The following USP49 variants were observed in gnomAD, a reference collection of about 807,000 sequenced individuals.
USP49 encodes the protein ubiquitin specific peptidase 49.
USP49 carries 24 observed loss-of-function variants against 58.6 expected under a neutral mutation model. That is an observed-to-expected ratio of 0.41 (90% CI 0.30 to 0.58). The LOEUF (loss-of-function observed/expected upper bound fraction) is 0.58, where lower values mean the gene tolerates loss of function less well. Ranked by LOEUF, USP49 falls within the 20% of genes least tolerant of loss-of-function variation. USP49 has a pLI of 0.30. For synonymous variants in USP49, 408 were observed against 365.1 expected, an observed-to-expected ratio of 1.12 and a Z score of -1.34; for missense variants, 703 against 866.1, an observed-to-expected ratio of 0.81 and a Z score of 2.36.
intron 3 of USP49, among the ~76,000 whole-genome samples, chr6:41,860,830 A>G (rs1051766993): frequency 3.9e-5 from 6 of 151,904 alleles, no homozygotes; most frequent in Non-Finnish European, 8.8e-5. Flanking sequence ...ATTATTTTTT[A>G]AAGAACTCAT....
chr6:41,804,212 G>A (rs1237564124), intron 4 of USP49, among the ~76,000 whole-genome samples: 1 of 152,142 alleles, frequency 6.6e-6, no homozygotes, highest in African/African-American at 2.4e-5. Flanking sequence ...GATGCTAGCT[G>A]GAATTTAAAA....
intron 3 of USP49, among the ~76,000 whole-genome samples, chr6:41,823,956 T>C (rs982395028): frequency 2.0e-5 from 3 of 152,048 alleles, no homozygotes; most frequent in Admixed American, 6.6e-5. Context: ...AAAGGTGCAC[T>C]ATAAGCCTCA....
chr6:41,825,781 A>G (rs1773528208), intron 3 of USP49, among the ~76,000 whole-genome samples: 1 of 152,202 alleles, frequency 6.6e-6, no homozygotes, highest in South Asian at 2.1e-4. Context: ...AAGACAGCCT[A>G]CCATTGAATG....
intron 3 of USP49, among the ~76,000 whole-genome samples, chr6:41,810,913 C>T (rs1773247357): frequency 6.6e-6 from 1 of 152,078 alleles, no homozygotes; most frequent in Non-Finnish European, 1.5e-5. Flanking sequence ...CTCTACTTTT[C>T]ATTTCTGTGA....
At chr6:41,840,745 A>T (rs949200706) in intron 3 of USP49, among the ~76,000 whole-genome samples, 22 of 152,282 alleles carry the variant, frequency 1.4e-4, no homozygotes, top group African/African-American at 5.3e-4. Flanking sequence ...GTCTTAGCCC[A>T]ACCTCCTATT....
intron 4 of USP49, among the ~76,000 whole-genome samples, chr6:41,805,093 C>T (rs1402951487): frequency 6.6e-6 from 1 of 152,158 alleles, no homozygotes; most frequent in Non-Finnish European, 1.5e-5. Context: ...TGCATATTCT[C>T]GCAAGGCCCT....
chr6:41,852,056 C>T (rs1774040653), intron 3 of USP49, among the ~76,000 whole-genome samples: 2 of 151,468 alleles, frequency 1.3e-5, no homozygotes, highest in African/African-American at 4.9e-5. Flanking sequence ...CACGGTGGCT[C>T]ACACCTGTGC....
At chr6:41,877,554 T>C (rs1418353045) in intron 2 of USP49, among the ~76,000 whole-genome samples, 3 of 144,452 alleles carry the variant, frequency 2.1e-5, no homozygotes, top group Non-Finnish European at 4.5e-5. Context: ...GAATCACTCA[T>C]ATGGGATCCC....
chr6:41,846,108 G>A (rs1773917217), intron 3 of USP49, among the ~76,000 whole-genome samples: 1 of 152,158 alleles, frequency 6.6e-6, no homozygotes, highest in Non-Finnish European at 1.5e-5. Flanking sequence ...TTGAGGTCAG[G>A]AGGTCGAGAG....
chr6:41,824,553 A>G (rs1773506080), intron 3 of USP49, among the ~76,000 whole-genome samples: 1 of 152,150 alleles, frequency 6.6e-6, no homozygotes. Flanking sequence ...TCTATTAAAA[A>G]ATACAAAATT....
At chr6:41,810,981 T>C (rs1773248712) in intron 3 of USP49, among the ~76,000 whole-genome samples, 1 of 152,210 alleles carries the variant, frequency 6.6e-6, no homozygotes, top group African/African-American at 2.4e-5. Flanking sequence ...TCCAATGTAC[T>C]GTGAGTAGCC....
chr6:41,843,166 C>A (rs938161842), intron 3 of USP49, among the ~76,000 whole-genome samples: 1 of 152,182 alleles, frequency 6.6e-6, no homozygotes, highest in South Asian at 2.1e-4. Flanking sequence ...TAGGCCACCA[C>A]GCCTGGCTAA....
chr6:41,824,730 C>T (rs1773510422), intron 3 of USP49, among the ~76,000 whole-genome samples: 1 of 146,878 alleles, frequency 6.8e-6, no homozygotes, highest in Non-Finnish European at 1.5e-5. Context: ...AAGAACAAGC[C>T]CAAACAAGAA....
chr6:41,833,030 T>C (rs1356770857), intron 3 of USP49: 1 of 151,494 alleles, frequency 6.6e-6, no homozygotes, highest in African/African-American at 2.4e-5. Flanking sequence ...CTTTTTTTTT[T>C]TTTTGAGACA....
At chr6:41,815,173 C>A (rs1773326198) in intron 3 of USP49, among the ~76,000 whole-genome samples, 1 of 152,104 alleles carries the variant, frequency 6.6e-6, no homozygotes, top group South Asian at 2.1e-4. Flanking sequence ...GTAATCCCAG[C>A]ACTTTGGGAG....
intron 2 of USP49, among the ~76,000 whole-genome samples, chr6:41,876,968 GATTA>G (rs1774513721): frequency 2.0e-5 from 3 of 152,252 alleles, no homozygotes; most frequent in African/African-American, 4.8e-5. Flanking sequence ...CTCTGCCACT[GATTA>G]ATTATGTTAT....
At chr6:41,827,675 CAAAAAAA>C (rs373056101) in intron 3 of USP49, among the ~76,000 whole-genome samples, 5 of 92,316 alleles carry the variant, frequency 5.4e-5, no homozygotes, top group Admixed American at 2.5e-4. Context: ...ACTCTGTCTC[CAAAAAAA>C]AAAAAAAAAA....
intron 2 of USP49, among the ~76,000 whole-genome samples, chr6:41,881,480 A>G (rs991972433): frequency 6.6e-6 from 1 of 151,994 alleles, no homozygotes; most frequent in Non-Finnish European, 1.5e-5. Context: ...TTTTAAAATC[A>G]CATCTAAAAA....
intron 3 of USP49, among the ~76,000 whole-genome samples, chr6:41,814,196 G>T (rs1486983173): frequency 1.3e-5 from 2 of 152,110 alleles, no homozygotes; most frequent in African/African-American, 4.8e-5. Context: ...TAAATGTCCT[G>T]CACACCCTTG....
Sources: allele counts gnomAD v4.1 joint callset (sites outside exome capture counted in the v4.1 genomes callset), GRCh38; gene constraint gnomAD v4.1.1; transcripts MANE v1.5; gene names NCBI Gene and HGNC (gene_info 2026-07-23, HGNC 2026-07-21).